The following DPP6 variants were observed in gnomAD, a reference collection of about 807,000 sequenced individuals.
DPP6 encodes the protein dipeptidyl peptidase like 6, also known as A-type potassium channel modulatory protein DPP6.
DPP6 carries 69 observed loss-of-function variants against 122.6 expected under a neutral mutation model. The observed-to-expected ratio is 0.56, with a 90% CI of 0.46 to 0.69. The LOEUF (loss-of-function observed/expected upper bound fraction) is 0.69, where lower values mean the gene tolerates loss of function less well. Ranked by LOEUF, DPP6 falls within the 30% of genes least tolerant of loss-of-function variation. The pLI, the probability that DPP6 is intolerant of heterozygous loss-of-function variation, is 0.00. For missense variants in DPP6, 928 were observed against 1,116.9 expected (o/e 0.83, Z 2.41); for synonymous variants, 418 against 433.1 (o/e 0.97, Z 0.43).
intron 21 of DPP6, chr7:154,884,710 TGATCACACA>T (rs1246076257): frequency 1.4e-4 from 16 of 117,294 alleles, no homozygotes; most frequent in African/African-American, 5.5e-4. Context: ...CAGGCACACA[TGATCACACA>T]TACACAGGCT....
intron 1 of DPP6, among the ~76,000 whole-genome samples, chr7:154,254,909 A>C (rs1172771122): frequency 6.6e-6 from 1 of 152,114 alleles, no homozygotes; most frequent in African/African-American, 2.4e-5. Context: ...GTGTAGGAGG[A>C]ATACATTATT....
At chr7:154,244,861 A>G (rs1281828679) in intron 1 of DPP6, among the ~76,000 whole-genome samples, 1 of 152,116 alleles carries the variant, frequency 6.6e-6, no homozygotes, top group Non-Finnish European at 1.5e-5. Flanking sequence ...CTTTTCAATA[A>G]TTTCACTAGA....
At chr7:153,853,156 C>T in the DPP6 span, among the ~76,000 whole-genome samples, 1 of 152,222 alleles carries the variant, frequency 6.6e-6, no homozygotes, top group Admixed American at 6.5e-5. Flanking sequence ...TCCTCACTAA[C>T]ATCTTTCAAT....
intron 1 of DPP6, among the ~76,000 whole-genome samples, chr7:154,200,372 G>A (rs1241884413): frequency 6.6e-6 from 1 of 152,088 alleles, no homozygotes; most frequent in Non-Finnish European, 1.5e-5. Context: ...TCGCTATTTT[G>A]AAATGCACAG....
chr7:153,886,893 G>C (rs1563206370), upstream of DPP6, among the ~76,000 whole-genome samples: 1 of 152,098 alleles, frequency 6.6e-6, no homozygotes, highest in Non-Finnish European at 1.5e-5. Flanking sequence ...GTTAACACCC[G>C]GCTGCGGACG....
At chr7:154,060,604 C>T (rs1340180119) in intron 1 of DPP6, among the ~76,000 whole-genome samples, 2 of 57,414 alleles carry the variant, frequency 3.5e-5, no homozygotes, top group African/African-American at 1.1e-4. Flanking sequence ...AGTCCCTCTT[C>T]CCCCCCCTGG....
intron 17 of DPP6, among the ~76,000 whole-genome samples, chr7:154,861,621 T>A (rs912719296): frequency 5.9e-5 from 9 of 152,244 alleles, no homozygotes; most frequent in South Asian, 2.1e-4. Context: ...TGGATGGAAT[T>A]ATTATCATAA....
chr7:154,305,335 T>TTGGGGGGCCCC, intron 1 of DPP6: 1 of 1,024,756 alleles, frequency 9.8e-7, no homozygotes, highest in Non-Finnish European at 1.2e-6. Flanking sequence ...TCGTCTTGTC[T>TTGGGGGGCCCC]ACCCACCCTC....
intron 1 of DPP6, among the ~76,000 whole-genome samples, chr7:154,327,030 A>G (rs1808503627): frequency 1.3e-5 from 2 of 152,030 alleles, no homozygotes; most frequent in Non-Finnish European, 2.9e-5. Context: ...TTAGACAGAT[A>G]AGAGAGACGC....
intron 8 of DPP6, among the ~76,000 whole-genome samples, chr7:154,745,513 A>T (rs1842997245): frequency 6.6e-6 from 1 of 152,198 alleles, no homozygotes; most frequent in Non-Finnish European, 1.5e-5. Context: ...CAATGGACAC[A>T]GGGTGTGTCT....
At chr7:154,699,098 G>A (rs913776739) in intron 7 of DPP6, among the ~76,000 whole-genome samples, 1 of 152,122 alleles carries the variant, frequency 6.6e-6, no homozygotes, top group Non-Finnish European at 1.5e-5. Flanking sequence ...AGAAGGGAGG[G>A]GATTGATGAC....
chr7:153,983,762 C>T (rs2531112), intron 1 of DPP6, among the ~76,000 whole-genome samples: 11 of 151,890 alleles, frequency 7.2e-5, no homozygotes, highest in Admixed American at 2.6e-4. Flanking sequence ...TTGTCCCTCA[C>T]GGCACAGTCC....
chr7:154,883,821 TTACA>T (rs1805745775), intron 21 of DPP6: 1 of 125,042 alleles, frequency 8.0e-6, no homozygotes, highest in South Asian at 2.7e-4. Context: ...GCTCACACAA[TTACA>T]TACACCTGCT....
chr7:154,603,351 C>T (rs1221825020), intron 5 of DPP6, among the ~76,000 whole-genome samples: 2 of 118,564 alleles, frequency 1.7e-5, no homozygotes, highest in African/African-American at 5.4e-5. Flanking sequence ...TCTACTCTTA[C>T]ATGGATATTC....
chr7:154,000,117 C>T (rs547351457), intron 1 of DPP6, among the ~76,000 whole-genome samples: 149 of 148,426 alleles, frequency 1.0e-3, no homozygotes, highest in African/African-American at 3.7e-3. Context: ...GAATAGGTTC[C>T]GGGCATGATA....
chr7:154,683,654 T>C (rs1839421342), intron 7 of DPP6, among the ~76,000 whole-genome samples: 1 of 152,124 alleles, frequency 6.6e-6, no homozygotes, highest in Non-Finnish European at 1.5e-5. Context: ...CCTTCCACTG[T>C]TTTCCACTGC....
intron 1 of DPP6, among the ~76,000 whole-genome samples, chr7:154,010,486 G>T (rs1798109707): frequency 6.6e-6 from 1 of 152,210 alleles, no homozygotes; most frequent in Middle Eastern, 3.2e-3. Flanking sequence ...TCTACTGCCT[G>T]CTGCTTCAAA....
At chr7:154,258,541 A>G (rs574525355) in intron 1 of DPP6, among the ~76,000 whole-genome samples, 163 of 152,308 alleles carry the variant, frequency 1.1e-3, no homozygotes, top group African/African-American at 3.9e-3. Flanking sequence ...GTGTTTTATC[A>G]TGCTCCACAA....
the DPP6 span, among the ~76,000 whole-genome samples, chr7:153,810,444 C>T: frequency 0.019 from 2,905 of 151,726 alleles, 86 homozygotes; most frequent in African/African-American, 0.066. Context: ...ATACCTGGAG[C>T]GAAAGGAATG....
Sources: allele counts gnomAD v4.1 joint callset (sites outside exome capture counted in the v4.1 genomes callset), GRCh38; gene constraint gnomAD v4.1.1; transcripts MANE v1.5; gene names NCBI Gene and HGNC (gene_info 2026-07-23, HGNC 2026-07-21).